The following LARS2 variants were observed in gnomAD, a reference collection of about 807,000 sequenced individuals.
LARS2 encodes the protein leucine--tRNA ligase, mitochondrial.
In LARS2, 81 loss-of-function variants were observed where a neutral mutation model predicts 116.6. The observed-to-expected ratio is 0.69, with a 90% confidence interval of 0.58 to 0.84. LARS2 has a LOEUF of 0.84. Ranked by LOEUF, LARS2 falls within the 40% of genes least tolerant of loss-of-function variation. LARS2 has a pLI of 0.00. For synonymous variants in LARS2, 396 were observed against 407.2 expected, an observed-to-expected ratio of 0.97 and a Z score of 0.33; for missense variants, 968 against 1,114.5, an observed-to-expected ratio of 0.87 and a Z score of 1.87.
chr3:45,525,661 T>C (rs1700520819), intron 20 of LARS2, among the ~76,000 whole-genome samples: 1 of 152,214 alleles, frequency 6.6e-6, no homozygotes, highest in African/African-American at 2.4e-5. Context: ...GTGTATTTCA[T>C]TGTGTCTTAA....
chr3:45,500,657 C>A, intron 15 of LARS2, 78 bp downstream of exon 15: 2 of 1,092,770 alleles, frequency 1.8e-6, no homozygotes, highest in Non-Finnish European at 2.6e-6. Context: ...TCTTCTGAAG[C>A]AAGGTAAATG....
chr3:45,443,671 C>T (rs930183795), intron 6 of LARS2, among the ~76,000 whole-genome samples: 4 of 152,080 alleles, frequency 2.6e-5, no homozygotes, highest in African/African-American at 4.8e-5. Flanking sequence ...CATTTCAGTA[C>T]GACGGAACTT....
At chr3:45,404,240 C>G (rs930393693) in intron 4 of LARS2, among the ~76,000 whole-genome samples, 2 of 152,146 alleles carry the variant, frequency 1.3e-5, no homozygotes, top group Non-Finnish European at 2.9e-5. Flanking sequence ...ATAGCAAGCC[C>G]TCTTTTCAGG....
chr3:45,476,837 A>G (rs901297130), intron 10 of LARS2, among the ~76,000 whole-genome samples: 6 of 152,206 alleles, frequency 3.9e-5, no homozygotes, highest in African/African-American at 1.4e-4. Flanking sequence ...ATGAGATACT[A>G]GTTTGTCTGT....
rs373530882 is a variant in LARS2, at chr3:45,546,726, C to T, written c.2533-625C>T. ...CACCTTCCCTCATTGAATCAATATTCGGTGAATACCCACCTGTGTCTGGAA... is the reference window on the plus strand; with the variant it reads ...CACCTTCCCTCATTGAATCAATATTTGGTGAATACCCACCTGTGTCTGGAA... On this transcript the variant is annotated intron_variant, in intron 21 of 21. Transcript: ENST00000645846. Among the ~76,000 whole-genome samples, 403 of 152,206 alleles carry T rather than the reference C, an allele frequency of 2.6e-3. 4 individuals carry two copies. The highest frequency in any genetic ancestry group is 9.4e-3 in the African/African-American group (390 of 41,528).
chr3:45,508,857 C>T (rs1700237158), intron 15 of LARS2, among the ~76,000 whole-genome samples: 1 of 151,834 alleles, frequency 6.6e-6, no homozygotes, highest in Admixed American at 6.6e-5. Flanking sequence ...TCCTCCCTCT[C>T]CTCCCTCCCT....
intron 3 of LARS2, among the ~76,000 whole-genome samples, chr3:45,395,510 G>A (rs1698029518): frequency 6.6e-6 from 1 of 152,254 alleles, no homozygotes; most frequent in African/African-American, 2.4e-5. Context: ...GCTGGGAGAT[G>A]TGATTGTTAC....
intron 6 of LARS2, among the ~76,000 whole-genome samples, chr3:45,444,797 A>G (rs1276765226): frequency 6.6e-6 from 1 of 150,620 alleles, no homozygotes; most frequent in Admixed American, 6.6e-5. Flanking sequence ...TATATATAAA[A>G]TATGTTGTAT....
At chr3:45,534,565 C>T (rs1700670540) in intron 20 of LARS2, among the ~76,000 whole-genome samples, 1 of 152,158 alleles carries the variant, frequency 6.6e-6, no homozygotes. Flanking sequence ...AAACATGGTC[C>T]ACCAAGGTGG....
chr3:45,471,095 CA>C (rs377498173), intron 8 of LARS2, among the ~76,000 whole-genome samples: 2 of 128,042 alleles, frequency 1.6e-5, no homozygotes, highest in African/African-American at 5.6e-5. Context: ...ACAAAAACCC[CA>C]AAAAAACAAA....
chr3:45,413,438 G>A (rs1252666056), intron 4 of LARS2, among the ~76,000 whole-genome samples: 1 of 152,234 alleles, frequency 6.6e-6, no homozygotes, highest in East Asian at 1.9e-4. Flanking sequence ...CAGACATCAT[G>A]AACATGTCAT....
chr3:45,430,289 A>ATTTTTT (rs1491194661), intron 6 of LARS2, among the ~76,000 whole-genome samples: 1 of 52,594 alleles, frequency 1.9e-5, no homozygotes, highest in African/African-American at 8.0e-5. Flanking sequence ...TTTTTTTTTA[A>ATTTTTT]TTTTTTTGAG....
intron 11 of LARS2, 89 bp downstream of exon 11, chr3:45,485,885 G>A (rs1699801415): frequency 1.4e-6 from 1 of 701,454 alleles, no homozygotes; most frequent in African/African-American, 1.8e-5. Context: ...TGGAAGAGCT[G>A]ACTATAGATT....
intron 4 of LARS2, among the ~76,000 whole-genome samples, chr3:45,408,000 C>T (rs1698260774): frequency 1.3e-5 from 2 of 152,060 alleles, no homozygotes; most frequent in South Asian, 4.2e-4. Flanking sequence ...TCCCATATTC[C>T]ACCTATAACA....
chr3:45,413,576 C>T (rs1288982105), intron 4 of LARS2, among the ~76,000 whole-genome samples: 1 of 152,256 alleles, frequency 6.6e-6, no homozygotes, highest in Non-Finnish European at 1.5e-5. Context: ...TTGCCCTCAA[C>T]AGGCTCCTGG....
chr3:45,515,035 G>A (rs1700351584), intron 16 of LARS2, among the ~76,000 whole-genome samples: 1 of 152,160 alleles, frequency 6.6e-6, no homozygotes, highest in Non-Finnish European at 1.5e-5. Flanking sequence ...TTGGCTTTTA[G>A]GTCTGTACAT....
At chr3:45,539,237 C>T (rs148255275) in intron 20 of LARS2, among the ~76,000 whole-genome samples, 31 of 152,056 alleles carry the variant, frequency 2.0e-4, no homozygotes, top group African/African-American at 5.8e-4. Flanking sequence ...AAAGAAAAAT[C>T]TTAAACTGAT....
chr3:45,419,917 G>T (rs1375560254), intron 6 of LARS2, among the ~76,000 whole-genome samples, 188 bp downstream of exon 6: 1 of 152,170 alleles, frequency 6.6e-6, no homozygotes, highest in African/African-American at 2.4e-5. Context: ...TTTTCTGTGG[G>T]ATTAAACTGA....
chr3:45,462,900 A>G lies in LARS2; in HGVS notation c.750+4014A>G, dbSNP rs1486795975. Among the ~76,000 whole-genome samples, 4 of 152,196 alleles carry G rather than the reference A, an allele frequency of 2.6e-5. No homozygotes were observed. In the East Asian group the frequency reaches 7.7e-4, roughly 29 times the overall value. On this transcript the variant is annotated intron_variant, in intron 8 of 21. Coordinates refer to ENST00000645846, the MANE Select transcript of LARS2 (RefSeq NM_015340.4). ...TTCAGGCTGTTCTGTGATATATTTGATTTTTCTCCTCTTACCCCCAACCCA... is the reference window on the plus strand; with the variant it reads ...TTCAGGCTGTTCTGTGATATATTTGGTTTTTCTCCTCTTACCCCCAACCCA...
Sources: allele counts gnomAD v4.1 joint callset (sites outside exome capture counted in the v4.1 genomes callset), GRCh38; gene constraint gnomAD v4.1.1; transcripts MANE v1.5; gene names NCBI Gene and HGNC (gene_info 2026-07-23, HGNC 2026-07-21).